DAB1: variants seen among roughly 807,000 people sequenced by gnomAD.
The protein encoded by DAB1 is DAB adaptor protein 1.
In DAB1, 15 loss-of-function variants were observed where a neutral mutation model predicts 64.6. The observed-to-expected ratio is 0.23, with a 90% CI of 0.16 to 0.36. The LOEUF (loss-of-function observed/expected upper bound fraction) is 0.36, where lower values mean the gene tolerates loss of function less well. DAB1 is among the 10% of genes least tolerant of loss of function. The probability of loss-of-function intolerance (pLI) is 1.00; values close to 1 mark genes in which losing one functional copy is unlikely to be tolerated. For missense variants in DAB1, 596 were observed against 706.7 expected, an observed-to-expected ratio of 0.84 and a Z score of 1.78; for synonymous variants, 235 against 251.9, an observed-to-expected ratio of 0.93 and a Z score of 0.64.
chr1:57,681,087 C>A (rs573439147), intron 6 of DAB1, among the ~76,000 whole-genome samples: 1 of 152,264 alleles, frequency 6.6e-6, no homozygotes, highest in South Asian at 2.1e-4. Context: ...AAGTTTGAGA[C>A]CAAGATGTCA....
At chr1:58,536,788 A>AT (rs1557458561) in intron 1 of DAB1, 1 of 833,736 alleles carries the variant, frequency 1.2e-6, no homozygotes, top group Non-Finnish European at 2.1e-6. Flanking sequence ...ATTCCAGCAC[A>AT]TATCACTAAA....
chr1:57,402,939 C>T (rs965898592), intron 1 of DAB1, among the ~76,000 whole-genome samples: 4 of 152,146 alleles, frequency 2.6e-5, no homozygotes, highest in Non-Finnish European at 5.9e-5. Context: ...CACCCCCAAC[C>T]CCTGCCCAAC....
intron 5 of DAB1, among the ~76,000 whole-genome samples, chr1:57,889,621 C>T (rs1212875040): frequency 2.6e-5 from 4 of 152,202 alleles, no homozygotes; most frequent in East Asian, 1.9e-4. Context: ...CCTTCTGCCC[C>T]GTATGATCCC....
chr1:58,483,922 A>G (rs1033191926), intron 3 of DAB1, among the ~76,000 whole-genome samples: 6 of 152,206 alleles, frequency 3.9e-5, no homozygotes, highest in Non-Finnish European at 8.8e-5. Context: ...TAAGCACTGC[A>G]CTGGCATCAG....
intron 3 of DAB1, among the ~76,000 whole-genome samples, chr1:58,442,304 T>C (rs1418626746): frequency 6.6e-6 from 1 of 152,300 alleles, no homozygotes; most frequent in East Asian, 1.9e-4. Context: ...TGAGCCCTGC[T>C]CATTCATGCA....
chr1:57,184,833 G>A lies in DAB1; in HGVS notation c.68-39404C>T, dbSNP rs193039255. On this transcript the variant is annotated intron_variant, in intron 2 of 14. Coordinates refer to ENST00000371236, the MANE Select transcript of DAB1 (RefSeq NM_001365792.1). The stretch of plus-strand genomic sequence containing the variant: ...TTTTTCATGATGCATTTCAAACACT[G>A]CCTAGTCAAGGATGGCTTCTCCCCA... Among the ~76,000 whole-genome samples, 17 of 152,120 alleles carry A rather than the reference G, an allele frequency of 1.1e-4. No individual in the cohort carries two copies. The East Asian group carries it at 1.7e-3, about 16-fold the overall frequency.
At chr1:58,223,011 C>T (rs1659257773) in intron 4 of DAB1, among the ~76,000 whole-genome samples, 1 of 152,176 alleles carries the variant, frequency 6.6e-6, no homozygotes, top group Non-Finnish European at 1.5e-5. Flanking sequence ...CTCTTTGAGA[C>T]TCCCCATAGC....
intron 3 of DAB1, among the ~76,000 whole-genome samples, chr1:58,429,761 C>T (rs1427470632): frequency 6.6e-6 from 1 of 152,214 alleles, no homozygotes; most frequent in Non-Finnish European, 1.5e-5. Context: ...ACTCCCTGAG[C>T]ACCGCTTGCT....
At chr1:58,045,562 G>C (rs1421455562) in intron 5 of DAB1, among the ~76,000 whole-genome samples, 1 of 152,134 alleles carries the variant, frequency 6.6e-6, no homozygotes, top group Admixed American at 6.5e-5. Flanking sequence ...CCAAGCCTTC[G>C]ACAGTAGATG....
At chr1:57,565,236 C>A (rs897082760) in intron 7 of DAB1, among the ~76,000 whole-genome samples, 5 of 152,108 alleles carry the variant, frequency 3.3e-5, no homozygotes, top group Non-Finnish European at 7.4e-5. Context: ...GAGATTTTGT[C>A]ATCACCAGGC....
chr1:57,598,278 A>C (rs965360832), intron 7 of DAB1, among the ~76,000 whole-genome samples: 1 of 152,146 alleles, frequency 6.6e-6, no homozygotes, highest in African/African-American at 2.4e-5. Context: ...CACGGCGCCC[A>C]GCCGGTATCC....
At chr1:57,426,794 C>G (rs1374807075), upstream of DAB1, among the ~76,000 whole-genome samples, 1 of 151,954 alleles carries the variant, frequency 6.6e-6, no homozygotes, top group Non-Finnish European at 1.5e-5. Flanking sequence ...CGTCAAAATT[C>G]TCAACCCTAC....
At chr1:58,301,237 G>T (rs533335251) in intron 4 of DAB1, among the ~76,000 whole-genome samples, 2 of 148,902 alleles carry the variant, frequency 1.3e-5, no homozygotes, top group African/African-American at 5.0e-5. Context: ...GGTGGAGAGG[G>T]GGGGGTCATG....
intron 1 of DAB1, among the ~76,000 whole-genome samples, chr1:58,535,256 T>A (rs1646497637): frequency 6.6e-6 from 1 of 152,168 alleles, no homozygotes. Context: ...AAATTAAAAA[T>A]GTTCTGAAAT....
At chr1:57,147,296 C>T (rs1267568128) in intron 2 of DAB1, among the ~76,000 whole-genome samples, 1 of 151,812 alleles carries the variant, frequency 6.6e-6, no homozygotes, top group African/African-American at 2.4e-5. Flanking sequence ...GGATTATAGG[C>T]GTGAGTATCA....
intron 5 of DAB1, among the ~76,000 whole-genome samples, chr1:57,913,460 C>T (rs969646405): frequency 2.6e-5 from 4 of 152,302 alleles, no homozygotes; most frequent in African/African-American, 9.6e-5. Flanking sequence ...GGATTAAAGA[C>T]TTAAATGTTA....
chr1:57,082,593 A>C (rs1290438605), intron 4 of DAB1, among the ~76,000 whole-genome samples: 3 of 152,198 alleles, frequency 2.0e-5, no homozygotes, highest in African/African-American at 7.2e-5. Context: ...TTGCATAGGT[A>C]AAAGTGTACC....
chr1:58,501,933 C>G (rs190484097), intron 3 of DAB1, among the ~76,000 whole-genome samples: 11 of 152,142 alleles, frequency 7.2e-5, no homozygotes, highest in East Asian at 1.9e-4. Context: ...CACTGCCCCC[C>G]ACTCCCGCCC....
intron 6 of DAB1, among the ~76,000 whole-genome samples, chr1:57,783,040 T>C (rs1480176173): frequency 4.8e-5 from 4 of 82,616 alleles, no homozygotes; most frequent in Non-Finnish European, 9.7e-5. Context: ...TTGCTTGCTC[T>C]TTCTTTCTTT....
Sources: allele counts gnomAD v4.1 joint callset (sites outside exome capture counted in the v4.1 genomes callset), GRCh38; gene constraint gnomAD v4.1.1; transcripts MANE v1.5; gene names NCBI Gene and HGNC (gene_info 2026-07-23, HGNC 2026-07-21).